Variants in FAM168A observed in about 807,000 individuals in gnomAD.
FAM168A encodes the protein protein FAM168A.
A neutral mutation model predicts 28.5 loss-of-function variants in FAM168A; 3 were observed. The ratio of observed to expected loss-of-function variants is 0.11; its 90% CI spans 0.05 to 0.27. The LOEUF (loss-of-function observed/expected upper bound fraction) is 0.27. Ranked by LOEUF, FAM168A falls within the 10% of genes least tolerant of loss-of-function variation. FAM168A has a pLI of 1.00. For synonymous variants in FAM168A, 122 were observed against 124.2 expected (o/e 0.98, Z 0.12); for missense variants, 222 against 311.5 (o/e 0.71, Z 2.16).
At chr11:73,576,377 G>A (rs2134728416) in intron 1 of FAM168A, among the ~76,000 whole-genome samples, 1 of 152,248 alleles carries the variant, frequency 6.6e-6, no homozygotes, top group African/African-American at 2.4e-5. Context: ...ATTTCCATGA[G>A]AATAAAATCA....
intron 1 of FAM168A, among the ~76,000 whole-genome samples, chr11:73,490,138 T>C (rs1013459219): frequency 1.3e-5 from 2 of 152,240 alleles, no homozygotes; most frequent in Non-Finnish European, 1.5e-5. Flanking sequence ...GGTGTTGTTC[T>C]TGACTTCTCT....
chr11:73,521,174 T>C (rs1468431727), intron 1 of FAM168A, among the ~76,000 whole-genome samples: 1 of 152,230 alleles, frequency 6.6e-6, no homozygotes, highest in Non-Finnish European at 1.5e-5. Context: ...ATGTGCGACC[T>C]AGCCTATGAA....
intron 1 of FAM168A, among the ~76,000 whole-genome samples, chr11:73,536,122 A>G (rs1331521407): frequency 6.6e-6 from 1 of 152,216 alleles, no homozygotes; most frequent in East Asian, 1.9e-4. Flanking sequence ...TTAGGATTAC[A>G]GGTGTGAGCC....
intron 1 of FAM168A, among the ~76,000 whole-genome samples, chr11:73,527,918 C>A (rs1378166811): frequency 6.6e-6 from 1 of 152,000 alleles, no homozygotes; most frequent in Admixed American, 6.6e-5. Context: ...GCCAGGAAAA[C>A]CAAAGAGGAA....
intron 3 of FAM168A, among the ~76,000 whole-genome samples, chr11:73,426,232 T>G (rs1866882450): frequency 1.3e-5 from 2 of 152,230 alleles, no homozygotes. Context: ...CCCTCGATTC[T>G]GAAAGCCAAG....
intron 2 of FAM168A, among the ~76,000 whole-genome samples, chr11:73,441,010 A>G (rs1366977013): frequency 1.3e-5 from 2 of 152,198 alleles, no homozygotes. Context: ...AAGAGTAATC[A>G]GCAAAATGCA....
intron 2 of FAM168A, among the ~76,000 whole-genome samples, chr11:73,461,422 GT>G (rs1356644035): frequency 2.0e-5 from 3 of 152,190 alleles, no homozygotes; most frequent in African/African-American, 7.2e-5. Flanking sequence ...ATGGCCCACT[GT>G]GAATCTTAAG....
chr11:73,474,143 T>C (rs1161558169), intron 1 of FAM168A, among the ~76,000 whole-genome samples: 1 of 152,062 alleles, frequency 6.6e-6, no homozygotes, highest in Non-Finnish European at 1.5e-5. Flanking sequence ...TTAGTCTGTT[T>C]TGTGATGCTA....
intron 1 of FAM168A, among the ~76,000 whole-genome samples, chr11:73,575,971 A>T (rs761309240): frequency 9.9e-5 from 15 of 152,202 alleles, no homozygotes; most frequent in Non-Finnish European, 2.1e-4. Context: ...CCCTGCCAAA[A>T]CATGCACATG....
rs567431301 is a variant in FAM168A, at chr11:73,585,067, T to C, written c.-19+12856A>G. ...AGGCAAATAGCCAAAGTTTGATCTC[T>C]GTTGCAAGAAGAGACCAAGTAAGCT... On this transcript the variant is annotated intron_variant, in intron 1 of 7. Coordinates refer to ENST00000356467, the MANE Select transcript of FAM168A (RefSeq NM_015159.3). 4.6e-5 allele frequency among the ~76,000 whole-genome samples: 7 copies of C among 152,004 alleles called. No individual in the cohort carries two copies. In the East Asian group the frequency reaches 1.3e-3, roughly 29 times the overall value.
At chr11:73,532,965 A>C (rs777448088) in intron 1 of FAM168A, among the ~76,000 whole-genome samples, 19 of 152,206 alleles carry the variant, frequency 1.2e-4, no homozygotes, top group Non-Finnish European at 2.2e-4. Context: ...TACAGGATCA[A>C]ATGAGAAGTA....
At chr11:73,547,175 G>T (rs1448662075) in intron 1 of FAM168A, among the ~76,000 whole-genome samples, 1 of 148,958 alleles carries the variant, frequency 6.7e-6, no homozygotes, top group Non-Finnish European at 1.5e-5. Context: ...GGGGGAGGAG[G>T]AGGAGGAGGA....
chr11:73,558,258 T>C (rs1453649227), intron 1 of FAM168A, among the ~76,000 whole-genome samples: 1 of 152,022 alleles, frequency 6.6e-6, no homozygotes, highest in East Asian at 1.9e-4. Flanking sequence ...AAGGTAGGAA[T>C]TCAACATCAG....
chr11:73,421,441 G>A (rs1866791640), intron 3 of FAM168A, among the ~76,000 whole-genome samples: 1 of 152,172 alleles, frequency 6.6e-6, no homozygotes, highest in African/African-American at 2.4e-5. Context: ...GAAATGAGAA[G>A]GAAATCATGG....
At chr11:73,535,582 G>T (rs1943569013) in intron 1 of FAM168A, among the ~76,000 whole-genome samples, 1 of 151,614 alleles carries the variant, frequency 6.6e-6, no homozygotes. Context: ...ACCACACCCG[G>T]CTAATTTTTT....
At chr11:73,412,336 CCTGG>C (rs1866627389) in intron 4 of FAM168A, 1 of 152,210 alleles carries the variant, frequency 6.6e-6, no homozygotes, top group African/African-American at 2.4e-5. Context: ...TTCACATCAA[CCTGG>C]AACCTGGGCC....
intron 1 of FAM168A, among the ~76,000 whole-genome samples, chr11:73,515,416 GGAGATCA>G (rs1397155240): frequency 6.6e-6 from 1 of 151,590 alleles, no homozygotes; most frequent in Non-Finnish European, 1.5e-5. Context: ...GGCTGAGGCA[GGAGATCA>G]CCTGAACCCG....
At chr11:73,563,981 T>G (rs1432733378) in intron 1 of FAM168A, among the ~76,000 whole-genome samples, 3 of 152,218 alleles carry the variant, frequency 2.0e-5, no homozygotes, top group Admixed American at 2.0e-4. Context: ...TCCACCTGTT[T>G]AGCTTCACTT....
At chr11:73,478,210 A>G (rs1310654023) in intron 1 of FAM168A, among the ~76,000 whole-genome samples, 2 of 152,216 alleles carry the variant, frequency 1.3e-5, no homozygotes, top group Non-Finnish European at 2.9e-5. Flanking sequence ...ATAATAAATT[A>G]AGATGCATAT....
Sources: allele counts gnomAD v4.1 joint callset (sites outside exome capture counted in the v4.1 genomes callset), GRCh38; gene constraint gnomAD v4.1.1; transcripts MANE v1.5; gene names NCBI Gene and HGNC (gene_info 2026-07-23, HGNC 2026-07-21).